CLYBL: variants seen among roughly 807,000 people sequenced by gnomAD.
The protein encoded by CLYBL is citramalyl-CoA lyase.
Under a neutral mutation model 38.9 loss-of-function variants are expected in CLYBL, and 31 were observed. That is an observed-to-expected ratio of 0.80 (90% confidence interval 0.60 to 1.08). CLYBL has a LOEUF of 1.08. CLYBL is among the 50% of genes least tolerant of loss of function. The probability of loss-of-function intolerance (pLI) is 0.00; values close to 1 mark genes in which losing one functional copy is unlikely to be tolerated. For missense variants in CLYBL, 434 were observed against 411.6 expected (o/e 1.05, Z -0.47); for synonymous variants, 171 against 158.6 (o/e 1.08, Z -0.59).
At chr13:99,847,853 A>G (rs2051242894) in intron 2 of CLYBL, among the ~76,000 whole-genome samples, 1 of 152,194 alleles carries the variant, frequency 6.6e-6, no homozygotes, top group African/African-American at 2.4e-5. Context: ...GCTGTGAGTC[A>G]TGACCTGTCA....
intron 1 of CLYBL, among the ~76,000 whole-genome samples, chr13:99,693,970 CAA>C (rs1304002822): frequency 1.3e-5 from 2 of 152,142 alleles, no homozygotes; most frequent in Non-Finnish European, 2.9e-5. Flanking sequence ...ACAGATGGAA[CAA>C]AAGTCGTAAT....
Position 99,787,637 on chromosome 13 carries a change from AC to A in CLYBL, c.249+14629del, listed in dbSNP as rs199506438. On this transcript the variant is annotated intron_variant, in intron 2 of 8. Coordinates refer to ENST00000339105, the MANE Select transcript of CLYBL (RefSeq NM_206808.5). The stretch of plus-strand genomic sequence containing the variant: ...ATAGTTTGAAGTCAGGTAGCGTGAT[AC>A]CTCCAGCTTTGTTCTTTTGGCTTAG... Among the ~76,000 whole-genome samples the A allele has an allele frequency of 4.4e-3, 671 of 152,018 alleles. 2 individuals carry two copies. Among genetic ancestry groups the A allele is most frequent in the Non-Finnish European group, 6.3e-3 (428 of 67,940 alleles).
chr13:99,898,234 T>G (rs942814032), downstream of CLYBL, among the ~76,000 whole-genome samples: 1 of 152,136 alleles, frequency 6.6e-6, no homozygotes, highest in African/African-American at 2.4e-5. Flanking sequence ...AGAATCAAAT[T>G]TCCTTCATAA....
chr13:99,748,953 C>T (rs977065125), intron 1 of CLYBL, among the ~76,000 whole-genome samples: 4 of 151,986 alleles, frequency 2.6e-5, no homozygotes, highest in Non-Finnish European at 4.4e-5. Context: ...CCAAGGTGTG[C>T]GGATCACCTG....
rs142035589 is a variant in CLYBL, at chr13:99,748,868, T to G, written c.63-23956T>G. Among the ~76,000 whole-genome samples, 824 of 152,268 alleles carry G rather than the reference T, an allele frequency of 5.4e-3. 11 individuals carry two copies. The highest frequency in any genetic ancestry group is 0.019 in the African/African-American group (796 of 41,536). The stretch of plus-strand genomic sequence containing the variant: ...GAAGAACTTTAATTTTTGACATGGA[T>G]GCTTGTTTGCTCTCTCATTCTGTGT... On this transcript the variant is annotated intron_variant, in intron 1 of 8. Transcript: ENST00000339105.
intron 1 of CLYBL, among the ~76,000 whole-genome samples, chr13:99,771,866 T>G (rs966055314): frequency 1.3e-5 from 2 of 152,210 alleles, no homozygotes; most frequent in Admixed American, 1.3e-4. Flanking sequence ...AAGTGCTTCA[T>G]GTTCATTATT....
rs1345788134 is a variant in CLYBL at position 99,697,661 on chromosome 13, C to CTT, written c.63-75149_63-75148dup. Among the ~76,000 whole-genome samples, 176 of 135,646 alleles carry CTT rather than the reference C, an allele frequency of 1.3e-3. 1 individual carries two copies. Among genetic ancestry groups the CTT allele is most frequent in the African/African-American group, 4.1e-3 (152 of 36,796 alleles). 89.0% of individuals were successfully genotyped at this position (135,646 alleles called of 152,430 possible). On this transcript the variant is annotated intron_variant, in intron 1 of 8. Coordinates refer to ENST00000339105, the MANE Select transcript of CLYBL (RefSeq NM_206808.5). Reference sequence around the variant, plus strand: ...CCCTGCACCCAGCCTTTCTTTCTTTCTTTTTTTTTTTTTTTGAGACAGGGT... The same window carrying CTT: ...CCCTGCACCCAGCCTTTCTTTCTTTCTTTTTTTTTTTTTTTTTGAGACAGGGT...
intron 1 of CLYBL, among the ~76,000 whole-genome samples, chr13:99,660,811 C>T (rs1300957196): frequency 6.6e-6 from 1 of 151,786 alleles, no homozygotes; most frequent in Non-Finnish European, 1.5e-5. Flanking sequence ...CAATCACAGG[C>T]AAGGATATTT....
At chr13:99,693,072 G>C (rs2047931205) in intron 1 of CLYBL, among the ~76,000 whole-genome samples, 1 of 152,194 alleles carries the variant, frequency 6.6e-6, no homozygotes, top group Middle Eastern at 3.4e-3. Context: ...CATTTTTGTT[G>C]GGTATATAGC....
At chr13:99,821,551 G>T (rs1371588527) in intron 2 of CLYBL, among the ~76,000 whole-genome samples, 2 of 152,124 alleles carry the variant, frequency 1.3e-5, no homozygotes, top group East Asian at 3.8e-4. Flanking sequence ...GTGTTGCAAG[G>T]CACACCAAGA....
chr13:99,906,463 T>A (rs2052699148), intron 9 of CLYBL, among the ~76,000 whole-genome samples: 1 of 151,576 alleles, frequency 6.6e-6, no homozygotes, highest in Non-Finnish European at 1.5e-5. Flanking sequence ...TGAGACAAAG[T>A]CTTGCTCGGT....
At chr13:99,749,451 G>A (rs543784042) in intron 1 of CLYBL, among the ~76,000 whole-genome samples, 41 of 152,120 alleles carry the variant, frequency 2.7e-4, no homozygotes, top group African/African-American at 8.2e-4. Flanking sequence ...GTTCCTTCCC[G>A]GTGCCCCTGC....
At chr13:99,694,134 T>C (rs116316114) in intron 1 of CLYBL, among the ~76,000 whole-genome samples, 2 of 152,200 alleles carry the variant, frequency 1.3e-5, no homozygotes, top group Non-Finnish European at 2.9e-5. Context: ...TGTGAGGCAT[T>C]TCAGTGGTCA....
chr13:99,704,915 C>T (rs2048123266), intron 1 of CLYBL, among the ~76,000 whole-genome samples: 1 of 152,160 alleles, frequency 6.6e-6, no homozygotes, highest in Non-Finnish European at 1.5e-5. Flanking sequence ...AACAAGGCAA[C>T]TCTTGGTTAT....
chr13:99,642,137 C>G (rs950798559), intron 1 of CLYBL, among the ~76,000 whole-genome samples: 3 of 152,198 alleles, frequency 2.0e-5, no homozygotes, highest in Non-Finnish European at 4.4e-5. Context: ...GGGAAGGATT[C>G]TCATCTTATG....
downstream of CLYBL, among the ~76,000 whole-genome samples, chr13:99,899,345 TCTC>T (rs1372490166): frequency 6.6e-6 from 1 of 152,148 alleles, no homozygotes; most frequent in African/African-American, 2.4e-5. Flanking sequence ...CCATTCAACT[TCTC>T]CTTCACACTA....
intron 1 of CLYBL, among the ~76,000 whole-genome samples, chr13:99,768,494 C>CT (rs779750350): frequency 0.02 from 1,727 of 84,568 alleles, 36 homozygotes; most frequent in Non-Finnish European, 0.022. Flanking sequence ...CGCCCGACCT[C>CT]TTTTTTTTTT....
At chr13:99,760,254 T>TA (rs528466385) in intron 1 of CLYBL, among the ~76,000 whole-genome samples, 66 of 152,314 alleles carry the variant, frequency 4.3e-4, no homozygotes, top group Non-Finnish European at 8.1e-4. Context: ...GTTGATCTTT[T>TA]AAAAAAATCA....
chr13:99,901,636 GATTT>G (rs1482536232), downstream of CLYBL, among the ~76,000 whole-genome samples: 1 of 75,646 alleles, frequency 1.3e-5, no homozygotes, highest in East Asian at 3.2e-4. Flanking sequence ...TGGTTTTTTG[GATTT>G]TTTTGTTTTT....
Sources: allele counts gnomAD v4.1 joint callset (sites outside exome capture counted in the v4.1 genomes callset), GRCh38; gene constraint gnomAD v4.1.1; transcripts MANE v1.5; gene names NCBI Gene and HGNC (gene_info 2026-07-23, HGNC 2026-07-21).